MCPH1: variants seen among roughly 807,000 people sequenced by gnomAD.
MCPH1 encodes the protein microcephalin 1, also known as microcephalin.
A neutral mutation model predicts 84.5 loss-of-function variants in MCPH1; 104 were observed. The observed-to-expected ratio is 1.23, with a 90% CI of 1.05 to 1.45. The LOEUF is 1.45. Ranked by LOEUF, MCPH1 falls within the 40% of genes most tolerant of loss-of-function variation. The pLI is 0.00. For missense variants in MCPH1, 1,498 were observed against 1,005.7 expected, an observed-to-expected ratio of 1.49 and a Z score of -6.62; for synonymous variants, 514 against 366.8, an observed-to-expected ratio of 1.40 and a Z score of -4.58.
chr8:6,420,745 T>C (rs1348317411), intron 3 of MCPH1, among the ~76,000 whole-genome samples: 1 of 152,206 alleles, frequency 6.6e-6, no homozygotes, highest in Non-Finnish European at 1.5e-5. Context: ...ATTTTGTTTC[T>C]TATACATAAG....
intron 12 of MCPH1, among the ~76,000 whole-genome samples, chr8:6,572,962 TTCTC>T (rs547153558): frequency 5.3e-5 from 8 of 152,356 alleles, no homozygotes; most frequent in Admixed American, 2.0e-4. Flanking sequence ...ACTCTGCCCT[TTCTC>T]CCTCCCTGAA....
At chr8:6,465,912 A>C (rs889667251) in intron 9 of MCPH1, among the ~76,000 whole-genome samples, 4 of 132,114 alleles carry the variant, frequency 3.0e-5, no homozygotes, top group Non-Finnish European at 6.5e-5. Flanking sequence ...TTCCTACTCA[A>C]TTTTATCTAT....
chr8:6,479,388 GT>G (rs1270988120), intron 10 of MCPH1, among the ~76,000 whole-genome samples: 2 of 151,460 alleles, frequency 1.3e-5, no homozygotes, highest in African/African-American at 4.9e-5. Context: ...GAGGAGAGAT[GT>G]TTATTTCTTT....
intron 12 of MCPH1, chr8:6,521,413 T>G: frequency 1.2e-6 from 2 of 1,601,908 alleles, no homozygotes; most frequent in South Asian, 2.2e-5. Flanking sequence ...CTAGGAAACT[T>G]GTAAGGAAAA....
Position 6,419,620 on chromosome 8 carries a change from T to C in MCPH1, c.233+4737T>C, listed in dbSNP as rs112824038. Among the ~76,000 whole-genome samples, 49 of 151,368 alleles carry C rather than the reference T, an allele frequency of 3.2e-4. 1 individual carries two copies. Among genetic ancestry groups the C allele is most frequent in the African/African-American group, 1.0e-3 (42 of 41,228 alleles). On this transcript the variant is annotated intron_variant, in intron 3 of 13. Coordinates refer to ENST00000344683, the MANE Select transcript of MCPH1 (RefSeq NM_024596.5). ...GATTTTACCGTGTTAGCCAGGATGG[T>C]CTTGATCTCCTGACCTTGTGATCCA... is the stretch of plus-strand genomic sequence containing the variant.
chr8:6,446,620 G>T (rs1214452905), intron 8 of MCPH1: 1 of 978,836 alleles, frequency 1.0e-6, no homozygotes, highest in Non-Finnish European at 1.2e-6. Flanking sequence ...ATTTTAAAAT[G>T]TTGACTCAAA....
chr8:6,537,047 G>C (rs1820631614), intron 12 of MCPH1, among the ~76,000 whole-genome samples: 1 of 151,388 alleles, frequency 6.6e-6, no homozygotes, highest in Non-Finnish European at 1.5e-5. Flanking sequence ...CTTGCCTTTG[G>C]AGAATGTTTC....
intron 3 of MCPH1, among the ~76,000 whole-genome samples, chr8:6,430,450 G>C (rs1801680284): frequency 6.6e-6 from 1 of 152,220 alleles, no homozygotes; most frequent in Non-Finnish European, 1.5e-5. Flanking sequence ...CACACCCTCA[G>C]AAGGGGGTCA....
At chr8:6,598,661 C>T (rs1356933001) in intron 12 of MCPH1, among the ~76,000 whole-genome samples, 15 of 152,220 alleles carry the variant, frequency 9.9e-5, no homozygotes, top group Admixed American at 9.8e-4. Context: ...CAAAACCTCT[C>T]GTGTGAGCCG....
intron 12 of MCPH1, among the ~76,000 whole-genome samples, chr8:6,529,362 A>G (rs541206899): frequency 6.6e-6 from 1 of 152,282 alleles, no homozygotes; most frequent in African/African-American, 2.4e-5. Flanking sequence ...AGTCTGTTTC[A>G]CAAAATCAGT....
intron 12 of MCPH1, among the ~76,000 whole-genome samples, chr8:6,512,289 G>T (rs893748062): frequency 6.6e-6 from 1 of 152,124 alleles, no homozygotes; most frequent in African/African-American, 2.4e-5. Flanking sequence ...CCGCTTCTCC[G>T]TGCTGCCCAC....
Position 6,444,630 on chromosome 8 carries a change from A to C in MCPH1, c.908A>C (p.Gln303Pro). 1.9e-6 allele frequency: 3 copies of C among 1,613,992 alleles called. No homozygotes were observed. The highest frequency in any genetic ancestry group is 2.5e-6 in the Non-Finnish European group (3 of 1,180,044). ...SNLSKEEINL[Q>P]RNIAGKVVTP... Reference sequence around the variant, plus strand: ...CTTTCAAAGGAAGAAATAAACTTGCAAAGAAATATTGCAGGTAAAGTAGTC... The same window carrying C: ...CTTTCAAAGGAAGAAATAAACTTGCCAAGAAATATTGCAGGTAAAGTAGTC... Residue 303 changes from glutamine to proline, a missense_variant, in exon 8 of 14, where the codon CAA becomes CCA. Physicochemically the swap from Gln to Pro is moderately conservative, Grantham distance 76. Transcript: ENST00000344683.
At chr8:6,447,785 A>G (rs1016914571) in intron 8 of MCPH1, among the ~76,000 whole-genome samples, 6 of 152,018 alleles carry the variant, frequency 3.9e-5, no homozygotes. Context: ...TCGCGACCTC[A>G]TGATCTACCC....
chr8:6,593,117 C>T (rs1446662981), intron 12 of MCPH1, among the ~76,000 whole-genome samples: 1 of 125,066 alleles, frequency 8.0e-6, no homozygotes, highest in Non-Finnish European at 1.6e-5. Context: ...GAGTTTCGCT[C>T]TTGTTGCCCA....
At chr8:6,560,215 G>C (rs955999640) in intron 12 of MCPH1, among the ~76,000 whole-genome samples, 6 of 152,120 alleles carry the variant, frequency 3.9e-5, no homozygotes, top group Admixed American at 2.6e-4. Context: ...AGGAGATATG[G>C]AAACATTTTT....
rs764886182 is a variant in MCPH1 at position 6,513,629 on chromosome 8, G to A, written c.2214+13700G>A. 33 of 1,552,568 alleles carry A rather than the reference G, an allele frequency of 2.1e-5. No individual in the cohort carries two copies. In the Middle Eastern group the frequency reaches 5.4e-4, roughly 26 times the overall value. On this transcript the variant is annotated intron_variant, in intron 12 of 13. Transcript: ENST00000344683. ...ATTACAGGCGTGAGCCACCGTGCCC[G>A]GCCACAAATCTTTTAATTTTTTCTT...
rs149555402 is a variant in MCPH1 at position 6,519,867 on chromosome 8, G to T, written c.2214+19938G>T. On this transcript the variant is annotated intron_variant, in intron 12 of 13. Coordinates refer to ENST00000344683, the MANE Select transcript of MCPH1 (RefSeq NM_024596.5). ...TAAGGGGAGACGAATACCTCACCTTGATCTCTTCTGTAGAATTAGGGAATG... is the reference window on the plus strand; with the variant it reads ...TAAGGGGAGACGAATACCTCACCTTTATCTCTTCTGTAGAATTAGGGAATG... The T allele has an allele frequency of 3.7e-6, 6 of 1,613,716 alleles. No homozygotes were observed. In the East Asian group the frequency reaches 1.1e-4, roughly 30 times the overall value.
chr8:6,510,163 T>TC (rs1202575211), intron 12 of MCPH1, among the ~76,000 whole-genome samples: 2 of 151,308 alleles, frequency 1.3e-5, no homozygotes, highest in Non-Finnish European at 3.0e-5. Flanking sequence ...TTTTTCTTTT[T>TC]TTTTTTTTAT....
At chr8:6,513,717 T>A (rs139734891) in intron 12 of MCPH1, 123 of 1,613,600 alleles carry the variant, frequency 7.6e-5, no homozygotes, top group Non-Finnish European at 9.4e-5. Context: ...GAAATGTTCA[T>A]ACAATGAGTA....
Sources: gnomAD v4.1 joint callset for allele counts (sites outside exome capture counted in the v4.1 genomes callset) on GRCh38, gnomAD v4.1.1 for gene constraint, MANE v1.5 for transcripts, NCBI Gene and HGNC (gene_info 2026-07-23, HGNC 2026-07-21) for gene names.